The following DISC1 variants were observed in gnomAD, a reference collection of about 807,000 sequenced individuals.
The protein encoded by DISC1 is disrupted in schizophrenia 1 protein.
DISC1 carries 57 observed loss-of-function variants against 84.5 expected under a neutral mutation model. The observed-to-expected ratio is 0.67, with a 90% CI of 0.55 to 0.84. The LOEUF (loss-of-function observed/expected upper bound fraction) is 0.84, where lower values mean the gene tolerates loss of function less well. Among genes scored for constraint, DISC1 ranks in the 40% least tolerant of loss-of-function variants. The pLI, the probability that DISC1 is intolerant of heterozygous loss-of-function variation, is 0.00. For synonymous variants in DISC1, 411 were observed against 415.2 expected, an observed-to-expected ratio of 0.99 and a Z score of 0.12; for missense variants, 1,000 against 1,057.8, an observed-to-expected ratio of 0.95 and a Z score of 0.76.
intron 9 of DISC1, among the ~76,000 whole-genome samples, chr1:231,956,580 A>G (rs1199814978): frequency 6.6e-6 from 1 of 152,162 alleles, no homozygotes; most frequent in Non-Finnish European, 1.5e-5. Flanking sequence ...TCCACTCAGA[A>G]CACTCAAAAT....
chr1:231,718,551 C>T (rs913499437), intron 3 of DISC1, among the ~76,000 whole-genome samples: 1 of 151,936 alleles, frequency 6.6e-6, no homozygotes, highest in Non-Finnish European at 1.5e-5. Context: ...ATTATCCTGC[C>T]TCAGCCTCCC....
intron 9 of DISC1, among the ~76,000 whole-genome samples, chr1:231,946,391 G>A (rs372480753): frequency 2.0e-4 from 31 of 152,054 alleles, no homozygotes; most frequent in African/African-American, 6.5e-4. Context: ...TGCAGAAAAG[G>A]CCTTCGACAA....
chr1:231,751,319 G>C (rs1354841235), intron 4 of DISC1, among the ~76,000 whole-genome samples: 1 of 152,196 alleles, frequency 6.6e-6, no homozygotes, highest in Non-Finnish European at 1.5e-5. Flanking sequence ...CACAAAGATT[G>C]AGGCACAATA....
chr1:231,874,315 G>A (rs1236385116), intron 9 of DISC1, among the ~76,000 whole-genome samples: 4 of 151,624 alleles, frequency 2.6e-5, no homozygotes, highest in Admixed American at 6.6e-5. Flanking sequence ...ACACCACCAC[G>A]CCCAACTATT....
intron 10 of DISC1, among the ~76,000 whole-genome samples, chr1:231,984,403 G>A (rs1402365092): frequency 6.6e-6 from 1 of 152,132 alleles, no homozygotes; most frequent in Non-Finnish European, 1.5e-5. Context: ...GACAAAAACA[G>A]AAAAGAGGGG....
chr1:231,846,324 G>A lies in DISC1; in HGVS notation c.1981+27807G>A, dbSNP rs137862615. Among the ~76,000 whole-genome samples, 511 of 152,332 alleles carry A rather than the reference G, an allele frequency of 3.4e-3. 8 individuals are homozygous for A. Among genetic ancestry groups the A allele is most frequent in the African/African-American group, 0.011 (477 of 41,578 alleles). On this transcript the variant is annotated intron_variant, in intron 9 of 12. Transcript: ENST00000439617. ...GCCCATGGAGGGGCCCACAGGACGG[G>A]ACAACTGCGAAGACACTGTCTGCCT...
chr1:231,756,545 GA>G (rs2075151247), intron 4 of DISC1, among the ~76,000 whole-genome samples: 1 of 147,134 alleles, frequency 6.8e-6, no homozygotes, highest in Non-Finnish European at 1.5e-5. Flanking sequence ...GAGAGAGAGA[GA>G]GAGAGAGAGA....
Position 231,940,591 on chromosome 1 carries a change from C to T in DISC1, c.1982-18237C>T, listed in dbSNP as rs77262764. Among the ~76,000 whole-genome samples the T allele has an allele frequency of 3.0e-4, 45 of 152,220 alleles. 1 individual carries two copies. In the East Asian group the frequency reaches 6.8e-3, roughly 23 times the overall value. On this transcript the variant is annotated intron_variant, in intron 9 of 12. Transcript: ENST00000439617. ...AATTGGACTCATTTAGTTTACTCCA[C>T]TTGAAATCCATGTGAGTCTATTTTT...
intron 5 of DISC1, 107 bp from the exon 6 acceptor site, chr1:231,770,728 A>C: frequency 1.3e-6 from 2 of 1,532,728 alleles, no homozygotes; most frequent in Non-Finnish European, 1.8e-6. Flanking sequence ...GGAGTTTTGT[A>C]GTTCTGGTGC....
intron 8 of DISC1, among the ~76,000 whole-genome samples, chr1:231,805,472 G>A (rs2079628763): frequency 6.6e-6 from 1 of 152,002 alleles, no homozygotes; most frequent in Non-Finnish European, 1.5e-5. Flanking sequence ...ACTTCACACG[G>A]CCAGAGCAGG....
intron 1 of DISC1, among the ~76,000 whole-genome samples, chr1:231,645,994 A>G (rs1226884163): frequency 6.6e-6 from 1 of 152,050 alleles, no homozygotes; most frequent in African/African-American, 2.4e-5. Context: ...GAGCAACACA[A>G]TTAACTAGAC....
chr1:232,035,998 GAACC>G (rs1670483707), intron 12 of DISC1, among the ~76,000 whole-genome samples: 3 of 152,252 alleles, frequency 2.0e-5, no homozygotes, highest in Admixed American at 1.3e-4. Context: ...GAAAAGAAAA[GAACC>G]AACCAACCAA....
chr1:231,752,504 C>T (rs865933278), intron 4 of DISC1, among the ~76,000 whole-genome samples: 8 of 152,160 alleles, frequency 5.3e-5, no homozygotes, highest in South Asian at 2.1e-4. Context: ...TATCCACCCC[C>T]ATGATGCAGT....
rs555816760 is a variant in DISC1 at position 231,897,298 on chromosome 1, A to G, written c.1982-61530A>G. Among the ~76,000 whole-genome samples the G allele has an allele frequency of 3.3e-5, 5 of 152,300 alleles. No homozygotes were observed. The South Asian group carries it at 1.0e-3, about 32-fold the overall frequency. On this transcript the variant is annotated intron_variant, in intron 9 of 12. Coordinates refer to ENST00000439617, the MANE Select transcript of DISC1 (RefSeq NM_018662.3). The surrounding 1 kb of genome is among the most constrained non-coding windows in gnomAD (Gnocchi z 4.5). ...AGAAGAGGTCTTGAATTAATAGTCA[A>G]ACCTGATATAGCTTCTTTGTCACTG...
At chr1:231,972,501 G>A (rs1272733105) in intron 10 of DISC1, among the ~76,000 whole-genome samples, 1 of 152,190 alleles carries the variant, frequency 6.6e-6, no homozygotes, top group Non-Finnish European at 1.5e-5. Flanking sequence ...GCATTATATA[G>A]CAGCTGTGAT....
chr1:231,643,656 TA>T (rs1312108647), intron 1 of DISC1, among the ~76,000 whole-genome samples: 1 of 152,254 alleles, frequency 6.6e-6, no homozygotes, highest in African/African-American at 2.4e-5. Context: ...TTGTGTCACT[TA>T]TTAAGCATAT....
chr1:231,646,404 T>C (rs2060138279), intron 1 of DISC1, among the ~76,000 whole-genome samples: 1 of 152,204 alleles, frequency 6.6e-6, no homozygotes, highest in Non-Finnish European at 1.5e-5. Context: ...AGTCTATCAT[T>C]GACGGACATT....
intron 1 of DISC1, among the ~76,000 whole-genome samples, chr1:231,666,423 A>T (rs2062027676): frequency 1.3e-5 from 2 of 152,136 alleles, no homozygotes; most frequent in South Asian, 2.1e-4. Context: ...GGCAAATTCT[A>T]GAGCTAATCT....
At chr1:231,993,610 T>G (rs1389405455) in intron 10 of DISC1, among the ~76,000 whole-genome samples, 1 of 152,206 alleles carries the variant, frequency 6.6e-6, no homozygotes, top group Non-Finnish European at 1.5e-5. Flanking sequence ...TCTCTTAACA[T>G]GCATTGAGTT....
Sources: allele counts gnomAD v4.1 joint callset (sites outside exome capture counted in the v4.1 genomes callset), GRCh38; gene constraint gnomAD v4.1.1; non-coding constraint Gnocchi (gnomAD v3.1); transcripts MANE v1.5; gene names NCBI Gene and HGNC (gene_info 2026-07-23, HGNC 2026-07-21).